The following EXT2 variants were observed in gnomAD, a reference collection of about 807,000 sequenced individuals.
EXT2 encodes the protein exostosin-2.
A neutral mutation model predicts 81.6 loss-of-function variants in EXT2; 53 were observed. The observed-to-expected ratio is 0.65, with a 90% confidence interval of 0.52 to 0.82. The LOEUF (loss-of-function observed/expected upper bound fraction) is 0.82. Among genes scored for constraint, EXT2 ranks in the 40% least tolerant of loss-of-function variants. The probability of loss-of-function intolerance (pLI) is 0.00; values close to 1 mark genes in which losing one functional copy is unlikely to be tolerated. For missense variants in EXT2, 774 were observed against 910.2 expected (o/e 0.85, Z 1.93); for synonymous variants, 320 against 340.0 (o/e 0.94, Z 0.65).
At chr11:44,204,545 A>G (rs557567831) in intron 9 of EXT2, among the ~76,000 whole-genome samples, 1 of 152,254 alleles carries the variant, frequency 6.6e-6, no homozygotes, top group South Asian at 2.1e-4. Context: ...GGGGTCCCCA[A>G]CCCTGGGCCA....
chr11:44,123,037 C>T (rs1954341500), intron 4 of EXT2, among the ~76,000 whole-genome samples: 1 of 152,100 alleles, frequency 6.6e-6, no homozygotes, highest in South Asian at 2.1e-4. Flanking sequence ...CAGAATTGAT[C>T]CTGAGGACGT....
intron 10 of EXT2, among the ~76,000 whole-genome samples, chr11:44,217,760 C>T (rs1013435438): frequency 6.6e-6 from 1 of 152,140 alleles, no homozygotes; most frequent in Non-Finnish European, 1.5e-5. Flanking sequence ...TTCCTCCTCC[C>T]CTCCTCCATC....
At chr11:44,145,613 T>C (rs1954706242) in intron 7 of EXT2, among the ~76,000 whole-genome samples, 1 of 152,152 alleles carries the variant, frequency 6.6e-6, no homozygotes. Flanking sequence ...CATGAAAACT[T>C]GATGAGGTAG....
chr11:44,215,865 ATTTT>A (rs34411687), intron 10 of EXT2, among the ~76,000 whole-genome samples: 3 of 127,826 alleles, frequency 2.3e-5, no homozygotes, highest in Admixed American at 8.0e-5. Context: ...CCATTTGGGA[ATTTT>A]TTTTTTTTTT....
chr11:44,235,225 C>CTTTTTTTTTTTTTTT (rs35214626), intron 12 of EXT2, among the ~76,000 whole-genome samples: 5 of 50,768 alleles, frequency 9.8e-5, no homozygotes, highest in Non-Finnish European at 1.3e-4. Flanking sequence ...CCCAAATTTG[C>CTTTTTTTTTTTTTTT]TTTTTTTTTT....
rs1465688101 is a variant in EXT2 at position 44,130,091 on chromosome 11, A to G, written c.1126A>G (p.Ile376Val). 13 of 1,614,026 alleles carry G rather than the reference A, an allele frequency of 8.1e-6. No individual in the cohort carries two copies. The East Asian group carries it at 1.3e-4, about 17-fold the overall frequency. The change falls in exon 7 of 14, where the codon ATT (isoleucine) becomes GTT (valine). Residue 376 changes from isoleucine (I) to valine (V), a missense_variant. By Grantham distance (29) the Ile-to-Val change is conservative. Transcript: ENST00000533608. The stretch of plus-strand genomic sequence containing the variant: ...AGAAAAGATGTCAGATGTGTACAGT[A>G]TTTTGCAGAGCATCCCCCAAAGACA... ...PEEKMSDVYS[I>V]LQSIPQRQIE...
chr11:44,186,768 C>T (rs1394197933), intron 8 of EXT2, among the ~76,000 whole-genome samples: 2 of 152,152 alleles, frequency 1.3e-5, no homozygotes, highest in Non-Finnish European at 2.9e-5. Flanking sequence ...CTTGAGGTTA[C>T]TTACCAAATC....
intron 13 of EXT2, among the ~76,000 whole-genome samples, chr11:44,241,721 T>C (rs1456250450): frequency 1.3e-5 from 2 of 152,188 alleles, no homozygotes; most frequent in Non-Finnish European, 2.9e-5. Flanking sequence ...TTATACTTGA[T>C]TGGAAAACCA....
In EXT2 at chr11:44,100,256, A is replaced by C. The variant is rs1953962617; in HGVS notation, c.-31+4404A>C. Among the ~76,000 whole-genome samples, 3 of 152,206 alleles carry C rather than the reference A, an allele frequency of 2.0e-5. No homozygotes were observed. In the South Asian group the frequency reaches 6.2e-4, roughly 32 times the overall value. The stretch of plus-strand genomic sequence containing the variant: ...AAGTTGTTTTCTCTTAGTTTGGCAG[A>C]GCACAAACCAAGGTCGTTGGTACTA... On this transcript the variant is annotated intron_variant, in intron 1 of 13. Transcript: ENST00000533608.
intron 10 of EXT2, among the ~76,000 whole-genome samples, chr11:44,215,865 ATTTTT>A (rs34411687): frequency 2.3e-5 from 3 of 127,826 alleles, no homozygotes; most frequent in African/African-American, 2.9e-5. Flanking sequence ...CCATTTGGGA[ATTTTT>A]TTTTTTTTTT....
At chr11:44,141,529 A>G (rs11827237) in intron 7 of EXT2, among the ~76,000 whole-genome samples, 1 of 152,230 alleles carries the variant, frequency 6.6e-6, no homozygotes, top group Non-Finnish European at 1.5e-5. Flanking sequence ...TTAATTTAGG[A>G]CAGTGAACTG....
intron 7 of EXT2, among the ~76,000 whole-genome samples, chr11:44,134,524 C>A (rs1000693893): frequency 6.6e-6 from 1 of 152,156 alleles, no homozygotes; most frequent in Non-Finnish European, 1.5e-5. Flanking sequence ...GGAGTTCCAT[C>A]AGCCATCTTT....
intron 3 of EXT2, among the ~76,000 whole-genome samples, chr11:44,112,779 C>T (rs374957812): frequency 7.2e-5 from 11 of 152,276 alleles, no homozygotes; most frequent in East Asian, 1.9e-4. Flanking sequence ...TTTGGGGCCC[C>T]GGGGACAGAA....
intron 10 of EXT2, among the ~76,000 whole-genome samples, chr11:44,230,496 G>A (rs1391823589): frequency 6.6e-6 from 1 of 152,186 alleles, no homozygotes; most frequent in Non-Finnish European, 1.5e-5. Context: ...ATTTTCAGAG[G>A]TTAATCAAGT....
rs1341762333 is a variant in EXT2 at position 44,140,403 on chromosome 11, T to C, written c.1173+10265T>C. 2.6e-5 allele frequency among the ~76,000 whole-genome samples: 4 copies of C among 152,230 alleles called. No individual in the cohort carries two copies. In the East Asian group the frequency reaches 7.7e-4, roughly 29 times the overall value. On this transcript the variant is annotated intron_variant, in intron 7 of 13. Coordinates refer to ENST00000533608, the MANE Select transcript of EXT2 (RefSeq NM_207122.2). ...GGAAACACCAGGCCCTCCATAAATG[T>C]CAGCCTGCGATGCTTGGCCCTTTTT...
chr11:44,141,706 CTAAAGT>C (rs1318357809), intron 7 of EXT2, among the ~76,000 whole-genome samples: 1 of 152,214 alleles, frequency 6.6e-6, no homozygotes, highest in Non-Finnish European at 1.5e-5. Flanking sequence ...AGAATAGTCT[CTAAAGT>C]TAACCATCGG....
chr11:44,203,965 G>T (rs1054857466), intron 9 of EXT2, among the ~76,000 whole-genome samples: 1 of 152,184 alleles, frequency 6.6e-6, no homozygotes, highest in Non-Finnish European at 1.5e-5. Flanking sequence ...GTGATAAGTG[G>T]CACACTTAGT....
intron 7 of EXT2, among the ~76,000 whole-genome samples, chr11:44,159,451 A>G (rs1019462245): frequency 6.6e-6 from 1 of 151,360 alleles, no homozygotes; most frequent in African/African-American, 2.4e-5. Flanking sequence ...GCCCATCTTC[A>G]TTTTCATTAC....
At chr11:44,179,076 G>C (rs1233563494) in intron 8 of EXT2, among the ~76,000 whole-genome samples, 1 of 152,122 alleles carries the variant, frequency 6.6e-6, no homozygotes, top group East Asian at 1.9e-4. Flanking sequence ...CAGAGAGCTT[G>C]ATCTGGGGCC....
Sources: gnomAD v4.1 joint callset for allele counts (sites outside exome capture counted in the v4.1 genomes callset) on GRCh38, gnomAD v4.1.1 for gene constraint, MANE v1.5 for transcripts, NCBI Gene and HGNC (gene_info 2026-07-23, HGNC 2026-07-21) for gene names.